Variants in PRKD1 observed in about 807,000 individuals in gnomAD.
PRKD1 encodes protein kinase D1, also known as serine/threonine-protein kinase D1.
In PRKD1, 63 loss-of-function variants were observed where a neutral mutation model predicts 95.9. The observed-to-expected ratio is 0.66, with a 90% CI of 0.54 to 0.81. PRKD1 has a LOEUF of 0.81. Among genes scored for constraint, PRKD1 ranks in the 30% least tolerant of loss-of-function variants. The pLI is 0.00. For missense variants in PRKD1, 1,048 were observed against 1,165.3 expected (o/e 0.90, Z 1.47); for synonymous variants, 425 against 423.1 (o/e 1.00, Z -0.05).
At chr14:29,873,624 T>C (rs1893187202) in intron 1 of PRKD1, among the ~76,000 whole-genome samples, 1 of 152,188 alleles carries the variant, frequency 6.6e-6, no homozygotes, top group Non-Finnish European at 1.5e-5. Flanking sequence ...TTTGTATACA[T>C]TAAACAAATA....
At chr14:29,681,070 CAAA>C (rs943394191) in intron 2 of PRKD1, among the ~76,000 whole-genome samples, 1 of 151,858 alleles carries the variant, frequency 6.6e-6, no homozygotes, top group Non-Finnish European at 1.5e-5. Context: ...AAATGAGAAA[CAAA>C]AAAGGTGACA....
At chr14:29,588,247 G>T (rs1195800837) in intron 16 of PRKD1, among the ~76,000 whole-genome samples, 5 of 152,152 alleles carry the variant, frequency 3.3e-5, no homozygotes, top group African/African-American at 1.2e-4. Context: ...GGGACCTACA[G>T]CTGGTTCCTT....
At chr14:29,826,796 TATATACAC>T (rs1303717779) in intron 1 of PRKD1, among the ~76,000 whole-genome samples, 4 of 53,616 alleles carry the variant, frequency 7.5e-5, no homozygotes, top group Admixed American at 2.9e-4. Context: ...TATACACATA[TATATACAC>T]ATATATATAC....
At chr14:29,798,665 A>T (rs776919946) in intron 1 of PRKD1, among the ~76,000 whole-genome samples, 1 of 151,832 alleles carries the variant, frequency 6.6e-6, no homozygotes. Flanking sequence ...CCCCACCACT[A>T]GTCTACACTA....
chr14:29,857,495 G>A (rs1892550252), intron 1 of PRKD1, among the ~76,000 whole-genome samples: 1 of 152,202 alleles, frequency 6.6e-6, no homozygotes, highest in African/African-American at 2.4e-5. Flanking sequence ...CCTGCCCACA[G>A]TAGGTCCTCT....
Position 29,578,316 on chromosome 14 carries a change from GCTTT to G in PRKD1, c.2475_2478del (p.Arg825SerfsTer9), listed in dbSNP as rs1282890342. The G allele has an allele frequency of 6.2e-7, 1 of 1,610,290 alleles. No individual in the cohort carries two copies. The highest frequency in any genetic ancestry group is 1.3e-5 in the African/African-American group (1 of 74,778). ...CTCAAGGTCTTATCCACACTGTAGC[GCTTT>G]CTCATTTTTACTTGCAGCAAATTGT... On this transcript the variant is annotated frameshift_variant, in exon 17 of 18. Coordinates refer to ENST00000331968, the MANE Select transcript of PRKD1 (RefSeq NM_002742.3). LOFTEE classifies it high-confidence loss of function.
At chr14:29,786,421 GTTC>G (rs1889276187) in intron 1 of PRKD1, among the ~76,000 whole-genome samples, 1 of 152,100 alleles carries the variant, frequency 6.6e-6, no homozygotes, top group Non-Finnish European at 1.5e-5. Flanking sequence ...GTTGGTGTTA[GTTC>G]TTCTTTATAA....
chr14:29,727,817 A>G (rs997433898), intron 1 of PRKD1, among the ~76,000 whole-genome samples: 12 of 151,692 alleles, frequency 7.9e-5, no homozygotes, highest in Admixed American at 2.0e-4. Context: ...ACACCATGGA[A>G]TACTATGCAG....
intron 1 of PRKD1, among the ~76,000 whole-genome samples, chr14:29,840,933 G>T (rs1275243256): frequency 6.6e-6 from 1 of 152,148 alleles, no homozygotes; most frequent in Non-Finnish European, 1.5e-5. Context: ...CGTATCAGGG[G>T]TAGTGCTGAC....
At position 29,663,803 on chromosome 14, in the gene PRKD1, C is replaced by CGCT; in HGVS notation, c.589_591dup (p.Ser197dup). 1 of 1,613,936 alleles carries CGCT rather than the reference C, an allele frequency of 6.2e-7. No individual in the cohort carries two copies. Among genetic ancestry groups the CGCT allele is most frequent in the Non-Finnish European group, 8.5e-7 (1 of 1,179,908 alleles). On this transcript the variant is annotated inframe_insertion, in exon 4 of 18. Transcript: ENST00000331968. ...TTTGAGAGCCTTCTCCGCCTCACAC[C>CGCT]GCTGCAATTGTTGGGTATTTTAAAT... is the stretch of plus-strand genomic sequence containing the variant.
chr14:29,774,436 G>T (rs1225880322), intron 1 of PRKD1, among the ~76,000 whole-genome samples: 1 of 152,096 alleles, frequency 6.6e-6, no homozygotes, highest in Non-Finnish European at 1.5e-5. Context: ...GAGGAAATCG[G>T]TGCTACCATT....
intron 4 of PRKD1, chr14:29,657,455 T>C (rs934326386): frequency 6.6e-6 from 1 of 152,214 alleles, no homozygotes; most frequent in African/African-American, 2.4e-5. Flanking sequence ...CTACTATCTG[T>C]TTGTTTTGAA....
chr14:29,713,080 T>TCAAGGA (rs1885412668), intron 2 of PRKD1, among the ~76,000 whole-genome samples: 1 of 152,144 alleles, frequency 6.6e-6, no homozygotes, highest in Non-Finnish European at 1.5e-5. Context: ...CTGCCTTTCC[T>TCAAGGA]TCCTTTTCTC....
In PRKD1 at chr14:29,636,410, A is replaced by T; in HGVS notation, c.1070T>A (p.Met357Lys). 1 of 1,614,062 alleles carries T rather than the reference A, an allele frequency of 6.2e-7. No homozygotes were observed. Among genetic ancestry groups the T allele is most frequent in the Non-Finnish European group, 8.5e-7 (1 of 1,180,004 alleles). Reference sequence around the variant, plus strand: ...GACCATTGCTTCTTCCATATCATCCATGAGCCCACTGTTCCTTTCACTATC... The same window carrying T: ...GACCATTGCTTCTTCCATATCATCCTTGAGCCCACTGTTCCTTTCACTATC... The part of the protein sequence containing the change: ...DNDSERNSGL[M>K]DDMEEAMVQD... Residue 357 changes from methionine (M) to lysine (K), a missense_variant, in exon 7 of 18, where the codon ATG becomes AAG. Coordinates refer to ENST00000331968, the MANE Select transcript of PRKD1 (RefSeq NM_002742.3).
intron 2 of PRKD1, among the ~76,000 whole-genome samples, chr14:29,684,939 C>A (rs780526313): frequency 6.6e-6 from 1 of 152,188 alleles, no homozygotes; most frequent in African/African-American, 2.4e-5. Flanking sequence ...CCAAAAGACC[C>A]TTTTCCCCCT....
At chr14:29,888,088 T>C (rs1566655880) in intron 1 of PRKD1, among the ~76,000 whole-genome samples, 1 of 151,908 alleles carries the variant, frequency 6.6e-6, no homozygotes, top group African/African-American at 2.4e-5. Flanking sequence ...ATCACTTGAG[T>C]CCAAAAGTTT....
chr14:29,588,893 C>A (rs1893028005), intron 16 of PRKD1, among the ~76,000 whole-genome samples: 1 of 151,454 alleles, frequency 6.6e-6, no homozygotes, highest in South Asian at 2.1e-4. Context: ...TACCGACTAA[C>A]CATGTGACTC....
intron 1 of PRKD1, among the ~76,000 whole-genome samples, chr14:29,781,300 A>G (rs1330507814): frequency 6.6e-6 from 1 of 152,214 alleles, no homozygotes; most frequent in Admixed American, 6.5e-5. Context: ...ATAATAATAA[A>G]AAAGAATCTT....
intron 2 of PRKD1, among the ~76,000 whole-genome samples, chr14:29,687,348 G>C (rs1173602003): frequency 1.3e-5 from 2 of 152,196 alleles, no homozygotes; most frequent in Non-Finnish European, 2.9e-5. Flanking sequence ...GATGGGAAGA[G>C]AAATTGGTTG....
Sources: allele counts gnomAD v4.1 joint callset (sites outside exome capture counted in the v4.1 genomes callset), GRCh38; gene constraint gnomAD v4.1.1; transcripts MANE v1.5; gene names NCBI Gene and HGNC (gene_info 2026-07-23, HGNC 2026-07-21).